MAGI2: variants seen among roughly 807,000 people sequenced by gnomAD.
The protein encoded by MAGI2 is membrane associated guanylate kinase, WW and PDZ domain containing 2.
In MAGI2, 35 loss-of-function variants were observed where a neutral mutation model predicts 133.3. The ratio of observed to expected loss-of-function variants is 0.26; its 90% CI spans 0.20 to 0.35. The LOEUF (loss-of-function observed/expected upper bound fraction) is 0.35. MAGI2 is among the 10% of genes least tolerant of loss of function. MAGI2 has a pLI of 1.00. For synonymous variants in MAGI2, 729 were observed against 710.6 expected (o/e 1.03, Z -0.41); for missense variants, 1,636 against 1,863.4 (o/e 0.88, Z 2.25).
At chr7:79,272,027 TG>T (rs1386527100) in intron 1 of MAGI2, among the ~76,000 whole-genome samples, 1 of 152,152 alleles carries the variant, frequency 6.6e-6, no homozygotes, top group Non-Finnish European at 1.5e-5. Context: ...CACTGAGTTG[TG>T]GTTTAAAACT....
intron 2 of MAGI2, among the ~76,000 whole-genome samples, chr7:78,834,432 T>A (rs972043744): frequency 1.3e-5 from 2 of 152,218 alleles, no homozygotes; most frequent in Non-Finnish European, 2.9e-5. Flanking sequence ...CTATAAATTT[T>A]CTATAACTGA....
intron 10 of MAGI2, among the ~76,000 whole-genome samples, chr7:78,214,908 C>T (rs1185735804): frequency 6.6e-6 from 1 of 152,230 alleles, no homozygotes; most frequent in Non-Finnish European, 1.5e-5. Flanking sequence ...CCAGGTTCTC[C>T]TGTAGAACTT....
chr7:79,145,651 T>G (rs1585040626), intron 1 of MAGI2, among the ~76,000 whole-genome samples: 2 of 152,314 alleles, frequency 1.3e-5, no homozygotes, highest in East Asian at 3.9e-4. Flanking sequence ...GTTCACATTG[T>G]CTGTTTTTAA....
chr7:79,214,359 ACCTCTCTCTCTC>A (rs1193193966), intron 1 of MAGI2, among the ~76,000 whole-genome samples: 1 of 60,288 alleles, frequency 1.7e-5, no homozygotes, highest in African/African-American at 7.4e-5. Context: ...TGCATTACGC[ACCTCTCTCTCTC>A]TCTCTCTCTC....
chr7:78,505,841 T>C (rs908687155), intron 4 of MAGI2, among the ~76,000 whole-genome samples: 7 of 152,200 alleles, frequency 4.6e-5, no homozygotes, highest in African/African-American at 1.2e-4. Context: ...AAACCTCTTT[T>C]TCAATGTGCT....
intron 1 of MAGI2, among the ~76,000 whole-genome samples, chr7:79,014,830 A>T (rs949908376): frequency 1.3e-5 from 2 of 152,080 alleles, no homozygotes; most frequent in East Asian, 1.9e-4. Context: ...AGCAGGCAAA[A>T]TTTTTTCTTC....
chr7:78,079,033 T>C lies in MAGI2; in HGVS notation c.3620A>G (p.His1207Arg). 6.2e-7 allele frequency: 1 copy of C among 1,614,000 alleles called. No homozygotes were observed. Among genetic ancestry groups the C allele is most frequent in the Non-Finnish European group, 8.5e-7 (1 of 1,179,976 alleles). The part of the protein sequence containing the change: ...INGESTRDMT[H>R]ARAIELIKSG... The stretch of plus-strand genomic sequence containing the variant: ...TTTGATGAGTTCTATTGCTCTGGCA[T>C]GTGTCATGTCCCTTGTGCTTTCCCC... Residue 1207 changes from histidine to arginine, a missense_variant, in exon 21 of 22, where the codon CAT becomes CGT. Around this residue, in one of 5 missense-constraint regions of MAGI2, gnomAD observed 49 missense variants for 103.8 expected, o/e 0.47. Transcript: ENST00000354212.
At chr7:78,080,176 CG>C (rs774422928) in intron 20 of MAGI2, among the ~76,000 whole-genome samples, 3 of 152,148 alleles carry the variant, frequency 2.0e-5, no homozygotes, top group Non-Finnish European at 4.4e-5. Flanking sequence ...CCCCCAAAGT[CG>C]GGGGGAAGAA....
At chr7:78,786,352 C>T (rs1826819671) in intron 2 of MAGI2, among the ~76,000 whole-genome samples, 1 of 152,158 alleles carries the variant, frequency 6.6e-6, no homozygotes, top group East Asian at 1.9e-4. Flanking sequence ...CCCTTCTTAG[C>T]TAGACTAGTG....
intron 2 of MAGI2, among the ~76,000 whole-genome samples, chr7:78,980,424 A>T (rs746594012): frequency 2.6e-5 from 4 of 151,882 alleles, no homozygotes; most frequent in Non-Finnish European, 4.4e-5. Flanking sequence ...GGTACAGAGC[A>T]CGTACTTGGC....
intron 10 of MAGI2, among the ~76,000 whole-genome samples, chr7:78,243,265 ACACACTCT>A (rs751651765): frequency 0.087 from 3,637 of 42,042 alleles, 78 homozygotes; most frequent in East Asian, 0.23. Flanking sequence ...ACACACACAC[ACACACTCT>A]CTCTCTCTCT....
intron 2 of MAGI2, among the ~76,000 whole-genome samples, chr7:78,716,668 T>C (rs1819733696): frequency 6.6e-6 from 1 of 152,226 alleles, no homozygotes; most frequent in South Asian, 2.1e-4. Flanking sequence ...GAAATGTGTT[T>C]ATCATGTGTG....
rs528731534 is a variant in MAGI2, at chr7:78,411,575, A to T, written c.1046-42362T>A. ...AAGAAAAAACAAACCAGTTAAAATGAAGGCATTTTTTTGGTAAGCATTCTC... is the reference window on the plus strand; with the variant it reads ...AAGAAAAAACAAACCAGTTAAAATGTAGGCATTTTTTTGGTAAGCATTCTC... On this transcript the variant is annotated intron_variant, in intron 6 of 21. Coordinates refer to ENST00000354212, the MANE Select transcript of MAGI2 (RefSeq NM_012301.4). Among the ~76,000 whole-genome samples the T allele has an allele frequency of 6.4e-3, 978 of 152,132 alleles. 10 individuals are homozygous for T. The highest frequency in any genetic ancestry group is 0.023 in the African/African-American group (936 of 41,544).
At chr7:79,136,032 A>AGAAAGAAAGAAAGAAAGAAAGAAG (rs1821455608) in intron 1 of MAGI2, among the ~76,000 whole-genome samples, 2 of 136,110 alleles carry the variant, frequency 1.5e-5, no homozygotes, top group Non-Finnish European at 3.1e-5. Context: ...AAAGAAGGAA[A>AGAAAGAAAGAAAGAAAGAAAGAAG]GAAAGAAAGA....
At chr7:79,277,212 A>G (rs1323555067) in intron 1 of MAGI2, among the ~76,000 whole-genome samples, 1 of 152,150 alleles carries the variant, frequency 6.6e-6, no homozygotes, top group Non-Finnish European at 1.5e-5. Context: ...CACCCTGATG[A>G]GTCAGCAGCC....
intron 1 of MAGI2, among the ~76,000 whole-genome samples, chr7:79,036,334 G>C (rs899309644): frequency 6.6e-6 from 1 of 152,190 alleles, no homozygotes; most frequent in African/African-American, 2.4e-5. Flanking sequence ...ATAGATGTTA[G>C]ATTCATTGGT....
intron 21 of MAGI2, among the ~76,000 whole-genome samples, chr7:78,040,058 A>G (rs1810637994): frequency 6.6e-6 from 1 of 152,220 alleles, no homozygotes. Context: ...GCATACGTGC[A>G]ACTGTGCTCA....
chr7:78,875,539 A>G (rs1319869693), intron 2 of MAGI2, among the ~76,000 whole-genome samples: 2 of 152,244 alleles, frequency 1.3e-5, no homozygotes, highest in Non-Finnish European at 2.9e-5. Context: ...TACCATGTGT[A>G]GACAAATAAA....
chr7:79,070,561 G>A (rs570133212), intron 1 of MAGI2, among the ~76,000 whole-genome samples: 21 of 151,020 alleles, frequency 1.4e-4, no homozygotes, highest in Non-Finnish European at 2.4e-4. Context: ...GCACGATCTC[G>A]GCTCACTGCA....
Sources: allele counts gnomAD v4.1 joint callset (sites outside exome capture counted in the v4.1 genomes callset), GRCh38; gene constraint gnomAD v4.1.1; regional missense constraint gnomAD v4.1.1; transcripts MANE v1.5; gene names NCBI Gene and HGNC (gene_info 2026-07-23, HGNC 2026-07-21).